The following TTC7B variants were observed in gnomAD, a reference collection of about 807,000 sequenced individuals.
The protein encoded by TTC7B is tetratricopeptide repeat protein 7B.
A neutral mutation model predicts 106.8 loss-of-function variants in TTC7B; 28 were observed. The observed-to-expected ratio is 0.26, with a 90% CI of 0.19 to 0.36. TTC7B has a LOEUF of 0.36. TTC7B is among the 10% of genes least tolerant of loss of function. TTC7B has a pLI of 1.00. For synonymous variants in TTC7B, 405 were observed against 430.6 expected, an observed-to-expected ratio of 0.94 and a Z score of 0.74; for missense variants, 862 against 1,076.4, an observed-to-expected ratio of 0.80 and a Z score of 2.79.
chr14:90,590,378 C>T (rs1033812939), intron 18 of TTC7B, among the ~76,000 whole-genome samples: 1 of 152,172 alleles, frequency 6.6e-6, no homozygotes, highest in Admixed American at 6.5e-5. Flanking sequence ...TTCCTGCAAG[C>T]CTCAAATCTG....
chr14:90,560,265 C>T (rs556418587), intron 19 of TTC7B, among the ~76,000 whole-genome samples: 51 of 152,298 alleles, frequency 3.3e-4, no homozygotes, highest in Non-Finnish European at 6.6e-4. Context: ...CCACCATGGC[C>T]GATTCCAAGC....
intron 9 of TTC7B, among the ~76,000 whole-genome samples, chr14:90,665,558 A>C (rs1201630409): frequency 6.6e-6 from 1 of 152,242 alleles, no homozygotes; most frequent in Non-Finnish European, 1.5e-5. Context: ...ACAGTACCAC[A>C]AGCACAGCAA....
At chr14:90,666,332 T>A (rs771217114) in intron 9 of TTC7B, among the ~76,000 whole-genome samples, 8 of 152,136 alleles carry the variant, frequency 5.3e-5, no homozygotes, top group Non-Finnish European at 8.8e-5. Context: ...TGGCTAATTT[T>A]GTATTTTTAG....
Position 90,784,731 on chromosome 14 carries a change from G to T in TTC7B, c.276+1443C>A, listed in dbSNP as rs186699823. ...ACCTGGTTTTTGAAGCCCAAATGCA[G>T]CAGGGAGTCTTTAAGTACCTGGGAT... On this transcript the variant is annotated intron_variant, in intron 2 of 19. Coordinates refer to ENST00000328459, the MANE Select transcript of TTC7B (RefSeq NM_001010854.2). 2.6e-5 allele frequency among the ~76,000 whole-genome samples: 4 copies of T among 152,256 alleles called. No homozygotes were observed. The East Asian group carries it at 7.7e-4, about 29-fold the overall frequency.
At chr14:90,665,627 A>AG (rs1402743731) in intron 9 of TTC7B, among the ~76,000 whole-genome samples, 1 of 152,214 alleles carries the variant, frequency 6.6e-6, no homozygotes, top group Non-Finnish European at 1.5e-5. Flanking sequence ...CCCACTGGGG[A>AG]GGGGGCAGAA....
intron 19 of TTC7B, among the ~76,000 whole-genome samples, chr14:90,546,628 G>A (rs1889844520): frequency 6.6e-6 from 1 of 152,178 alleles, no homozygotes; most frequent in African/African-American, 2.4e-5. Context: ...CCAACCAGCA[G>A]CGCTGCCCAG....
chr14:90,568,041 G>A lies in TTC7B; in HGVS notation c.2310+10065C>T, dbSNP rs147506938. Among the ~76,000 whole-genome samples the A allele has an allele frequency of 9.9e-4, 151 of 152,336 alleles. 1 individual carries two copies. Among genetic ancestry groups the A allele is most frequent in the African/African-American group, 3.6e-3 (150 of 41,582 alleles). On this transcript the variant is annotated intron_variant, in intron 19 of 19. Coordinates refer to ENST00000328459, the MANE Select transcript of TTC7B (RefSeq NM_001010854.2). ...GAGTCTCTGGGACCAGCACCAAATG[G>A]TGGGAAAGCAATTCAGGCCCAAGAT...
rs1398798277 is a variant in TTC7B at position 90,534,302 on chromosome 14, C to T, written c.*7066G>A. On this transcript the variant is annotated 3_prime_UTR_variant, in exon 20 of 20. Coordinates refer to ENST00000328459, the MANE Select transcript of TTC7B (RefSeq NM_001010854.2). Reference sequence around the variant, plus strand: ...GGAATGTTAGTGGCGGGAACGGCCGCAGCCCTAAGGCTCAGCCCTGGGGCT... The same window carrying T: ...GGAATGTTAGTGGCGGGAACGGCCGTAGCCCTAAGGCTCAGCCCTGGGGCT... The T allele has an allele frequency of 6.6e-6, 1 of 152,284 alleles. No individual in the cohort carries two copies. Among genetic ancestry groups the T allele is most frequent in the Admixed American group, 6.5e-5 (1 of 15,284 alleles). 9.4% of individuals were successfully genotyped at this position (152,284 alleles called of 1,614,324 possible).
chr14:90,710,045 C>A (rs1221254557), intron 5 of TTC7B, among the ~76,000 whole-genome samples: 3 of 113,306 alleles, frequency 2.6e-5, no homozygotes, highest in Non-Finnish European at 3.6e-5. Flanking sequence ...TTTGGATAAA[C>A]TTTTCTACTT....
intron 4 of TTC7B, among the ~76,000 whole-genome samples, chr14:90,743,737 AAGCT>A (rs1889854778): frequency 6.6e-6 from 1 of 152,160 alleles, no homozygotes; most frequent in Admixed American, 6.5e-5. Context: ...ATCCTCACAA[AAGCT>A]TCATGAAGTA....
intron 1 of TTC7B, among the ~76,000 whole-genome samples, chr14:90,806,156 C>T (rs892480278): frequency 1.3e-5 from 2 of 152,242 alleles, no homozygotes; most frequent in African/African-American, 2.4e-5. Context: ...CAAAAAGCCT[C>T]GCCCTCCCGG....
At chr14:90,659,251 A>AGTGT (rs969267159) in intron 9 of TTC7B, among the ~76,000 whole-genome samples, 5 of 136,962 alleles carry the variant, frequency 3.7e-5, no homozygotes, top group African/African-American at 1.5e-4. Flanking sequence ...GAGTGTGTGG[A>AGTGT]GTGTGTGTGT....
intron 1 of TTC7B, among the ~76,000 whole-genome samples, chr14:90,804,179 C>T (rs1341641427): frequency 6.6e-6 from 1 of 151,936 alleles, no homozygotes; most frequent in Non-Finnish European, 1.5e-5. Flanking sequence ...ACTAAAAATA[C>T]AAAAAATTAG....
At chr14:90,574,592 A>C (rs548265041) in intron 19 of TTC7B, among the ~76,000 whole-genome samples, 1 of 152,316 alleles carries the variant, frequency 6.6e-6, no homozygotes, top group South Asian at 2.1e-4. Flanking sequence ...TTTACTGTTC[A>C]TGAATACTAA....
intron 3 of TTC7B, among the ~76,000 whole-genome samples, chr14:90,776,870 C>T (rs750118331): frequency 2.6e-5 from 4 of 152,196 alleles, no homozygotes; most frequent in Non-Finnish European, 5.9e-5. Flanking sequence ...GTTTACCTAA[C>T]CTCCCTGTGC....
intron 3 of TTC7B, among the ~76,000 whole-genome samples, chr14:90,758,516 C>A (rs777805998): frequency 2.6e-4 from 40 of 152,188 alleles, no homozygotes; most frequent in Admixed American, 7.2e-4. Flanking sequence ...CCGAGGACGC[C>A]CGGAGCAGCT....
At chr14:90,601,467 C>T (rs138390668) in intron 17 of TTC7B, among the ~76,000 whole-genome samples, 2 of 152,292 alleles carry the variant, frequency 1.3e-5, no homozygotes, top group African/African-American at 4.8e-5. Context: ...TCTTCATTAA[C>T]GTGTTTACTC....
intron 5 of TTC7B, among the ~76,000 whole-genome samples, chr14:90,723,696 G>T (rs1888981070): frequency 6.6e-6 from 1 of 152,112 alleles, no homozygotes; most frequent in Admixed American, 6.6e-5. Flanking sequence ...CCCTATCTAA[G>T]CAGGGGCCTT....
chr14:90,552,040 G>C (rs1040042133), intron 19 of TTC7B, among the ~76,000 whole-genome samples: 1 of 152,254 alleles, frequency 6.6e-6, no homozygotes, highest in African/African-American at 2.4e-5. Context: ...CAGTTTGCCA[G>C]GGGGCCAAGT....
Sources: gnomAD v4.1 joint callset for allele counts (sites outside exome capture counted in the v4.1 genomes callset) on GRCh38, gnomAD v4.1.1 for gene constraint, MANE v1.5 for transcripts, NCBI Gene and HGNC (gene_info 2026-07-23, HGNC 2026-07-21) for gene names.